Variants in NCOR2 observed in about 807,000 individuals in gnomAD.
The protein encoded by NCOR2 is CTG repeat protein 26.
In NCOR2, 81 loss-of-function variants were observed where a neutral mutation model predicts 262.9. The ratio of observed to expected loss-of-function variants is 0.31; its 90% CI spans 0.26 to 0.37. The LOEUF (loss-of-function observed/expected upper bound fraction) is 0.37. Among genes scored for constraint, NCOR2 ranks in the 10% least tolerant of loss-of-function variants. NCOR2 has a pLI of 1.00. For missense variants in NCOR2, 3,385 were observed against 3,621.4 expected, an observed-to-expected ratio of 0.93 and a Z score of 1.68; for synonymous variants, 1,659 against 1,559.3, an observed-to-expected ratio of 1.06 and a Z score of -1.51.
At chr12:124,374,564 C>T (rs913823225) in intron 18 of NCOR2, 101 bp from the exon 21 acceptor site, 9 of 1,110,486 alleles carry the variant, frequency 8.1e-6, no homozygotes, top group African/African-American at 1.6e-5. Context: ...GCCCAGTGCA[C>T]AGCAGTGAGG....
exon 21 of NCOR2, chr12:124,363,779 C>A (rs747151335): frequency 2.2e-6 from 3 of 1,377,352 alleles, no homozygotes; most frequent in Non-Finnish European, 2.8e-6. Context: ...GGTGAGGAGG[C>A]TGGGCCTTGG....
At chr12:124,325,559 G>T in exon 47 of NCOR2, 2 of 1,318,888 alleles carry the variant, frequency 1.5e-6, no homozygotes. Flanking sequence ...CATGATCAGG[G>T]GGTTGTAGGG....
upstream of NCOR2, among the ~76,000 whole-genome samples, chr12:124,497,863 G>GC (rs982801582): frequency 3.9e-4 from 59 of 152,320 alleles, no homozygotes; most frequent in African/African-American, 1.4e-3. This position sits in a 1 kb window ranked among gnomAD's most constrained non-coding sequence, Gnocchi z 4.2. Context: ...GCCCTGCCCG[G>GC]CCCCAAGAGC....
rs116156127 is a variant in NCOR2, at chr12:124,424,819, G to A, written c.1328+1803C>T. On this transcript the variant is annotated intron_variant, in intron 11 of 46. Transcript: ENST00000405201. ...CCCCAAGGCAGCTCAGTAGCCTGCC[G>A]GGTGAACGTCGGGCAGTGACAAAGT... Among the ~76,000 whole-genome samples, 1,123 of 152,260 alleles carry A rather than the reference G, an allele frequency of 7.4e-3. 10 individuals are homozygous for A. Among genetic ancestry groups the A allele is most frequent in the African/African-American group, 0.024 (1,005 of 41,548 alleles).
chr12:124,472,506 A>G (rs1257846991), intron 4 of NCOR2, among the ~76,000 whole-genome samples: 1 of 152,134 alleles, frequency 6.6e-6, no homozygotes, highest in Non-Finnish European at 1.5e-5. Context: ...CACATTACAG[A>G]TAAGGAAAGT....
At chr12:124,352,747 C>T (rs879693434) in intron 27 of NCOR2, among the ~76,000 whole-genome samples, 48 of 152,158 alleles carry the variant, frequency 3.2e-4, no homozygotes, top group Admixed American at 2.1e-3. Context: ...GCCGGTGGCC[C>T]CTGCTCTTGG....
chr12:124,372,344 CCTCCTT>C (rs1681292252), exon 20 of NCOR2: 1 of 1,516,560 alleles, frequency 6.6e-7, no homozygotes, highest in Non-Finnish European at 8.8e-7. Context: ...GCGGTCTCCT[CCTCCTT>C]CTCCTCCTTG....
At chr12:124,423,677 C>A (rs2043354995) in intron 11 of NCOR2, among the ~76,000 whole-genome samples, 1 of 152,342 alleles carries the variant, frequency 6.6e-6, no homozygotes, top group African/African-American at 2.4e-5. Context: ...TCCCTGCAAA[C>A]CCCTCCCACG....
chr12:124,334,753 G>A (rs1007602037), intron 40 of NCOR2, 136 bp from the exon 43 acceptor site: 10 of 574,240 alleles, frequency 1.7e-5, no homozygotes, highest in South Asian at 7.2e-5. Flanking sequence ...GGACCTGCCC[G>A]CCACCCTCTG....
chr12:124,359,676 A>G (rs1453684200), intron 22 of NCOR2, among the ~76,000 whole-genome samples: 4 of 152,104 alleles, frequency 2.6e-5, no homozygotes, highest in African/African-American at 9.7e-5. Flanking sequence ...GAGAGTTGGG[A>G]GAGAGAGGAG....
At position 124,454,715 on chromosome 12, in the gene NCOR2, ACTTTT is replaced by A; in HGVS notation, c.762+2386_762+2390del. ...GGTGGAGATGTAAAATGGTACGGCC[ACTTTT>A]CGGCCACTTTGGAAAACAGTTGGGC... On this transcript the variant is annotated intron_variant, in intron 6 of 46. Transcript: ENST00000405201. The surrounding 1 kb of genome is among the most constrained non-coding windows in gnomAD (Gnocchi z 5.6). Among the ~76,000 whole-genome samples, 2 of 21,410 alleles carry A rather than the reference ACTTTT, an allele frequency of 9.3e-5. No homozygotes were observed. Among genetic ancestry groups the A allele is most frequent in the African/African-American group, 1.0e-3 (2 of 1,990 alleles). 14.0% of individuals were successfully genotyped at this position (21,410 alleles called of 152,430 possible).
chr12:124,514,352 G>A (rs1468030473), intron 1 of NCOR2: 1 of 152,266 alleles, frequency 6.6e-6, no homozygotes. Flanking sequence ...TTGTTTGTGA[G>A]CCACCCAGTC....
At chr12:124,406,317 C>A (rs958871348) in intron 13 of NCOR2, among the ~76,000 whole-genome samples, 2 of 152,224 alleles carry the variant, frequency 1.3e-5, no homozygotes, top group Non-Finnish European at 2.9e-5. Flanking sequence ...GTGTTACCCA[C>A]ACCTGCAGGT....
intron 1 of NCOR2, among the ~76,000 whole-genome samples, chr12:124,546,590 T>C (rs1280898186): frequency 1.3e-5 from 2 of 152,118 alleles, no homozygotes; most frequent in Non-Finnish European, 2.9e-5. Flanking sequence ...AATTTTTGTA[T>C]TTTTAGTATA....
intron 16 of NCOR2, among the ~76,000 whole-genome samples, chr12:124,390,957 G>C (rs1263452089): frequency 1.3e-5 from 2 of 152,270 alleles, no homozygotes; most frequent in African/African-American, 4.8e-5. Flanking sequence ...GCGGCCACGG[G>C]AGTGGGTGCT....
intron 1 of NCOR2, among the ~76,000 whole-genome samples, chr12:124,508,260 C>A (rs780590851): frequency 4.4e-4 from 67 of 152,240 alleles, no homozygotes; most frequent in African/African-American, 1.4e-3. Context: ...CAGAAGTGGA[C>A]GCATCTGGGC....
intron 31 of NCOR2, 121 bp downstream of exon 33, chr12:124,346,443 C>T (rs1409324515): frequency 9.0e-7 from 1 of 1,113,598 alleles, no homozygotes; most frequent in Non-Finnish European, 1.2e-6. Flanking sequence ...AGCTGGGTGA[C>T]TGTAAGGTAC....
intron 5 of NCOR2, among the ~76,000 whole-genome samples, chr12:124,462,915 T>C (rs2046241097): frequency 6.6e-6 from 1 of 152,236 alleles, no homozygotes; most frequent in Admixed American, 6.5e-5. Flanking sequence ...CTGAGTCTTC[T>C]GCTGATTTCC....
intron 16 of NCOR2, among the ~76,000 whole-genome samples, chr12:124,394,319 G>T (rs945513828): frequency 2.6e-5 from 4 of 152,242 alleles, no homozygotes; most frequent in African/African-American, 9.6e-5. Context: ...CAAGGTCAGG[G>T]GGCTAAGGAG....
Sources: allele counts gnomAD v4.1 joint callset (sites outside exome capture counted in the v4.1 genomes callset), GRCh38; gene constraint gnomAD v4.1.1; non-coding constraint Gnocchi (gnomAD v3.1); transcripts MANE v1.5; gene names NCBI Gene and HGNC (gene_info 2026-07-23, HGNC 2026-07-21).